The following DIS3L2 variants were observed in gnomAD, a reference collection of about 807,000 sequenced individuals.
The protein encoded by DIS3L2 is DIS3-like exonuclease 2.
A neutral mutation model predicts 97.5 loss-of-function variants in DIS3L2; 34 were observed. The ratio of observed to expected loss-of-function variants is 0.35; its 90% CI spans 0.27 to 0.46. DIS3L2 has a LOEUF of 0.46. DIS3L2 is among the 20% of genes least tolerant of loss of function. The pLI is 1.00. For missense variants in DIS3L2, 1,038 were observed against 1,146.0 expected, an observed-to-expected ratio of 0.91 and a Z score of 1.36; for synonymous variants, 435 against 445.2, an observed-to-expected ratio of 0.98 and a Z score of 0.29.
intron 9 of DIS3L2, among the ~76,000 whole-genome samples, chr2:232,186,335 G>A (rs982812086): frequency 6.6e-5 from 10 of 152,122 alleles, no homozygotes; most frequent in African/African-American, 2.4e-4. Context: ...CAAAGACTAC[G>A]AACTTTCATC....
intron 3 of DIS3L2, among the ~76,000 whole-genome samples, chr2:232,021,116 A>G (rs372447474): frequency 3.3e-5 from 5 of 152,178 alleles, no homozygotes; most frequent in African/African-American, 9.6e-5. Flanking sequence ...GTGTTTTTCT[A>G]TGGTACTGTT....
chr2:232,309,412 G>C (rs1205621684), intron 14 of DIS3L2, among the ~76,000 whole-genome samples: 2 of 152,212 alleles, frequency 1.3e-5, no homozygotes, highest in African/African-American at 4.8e-5. Flanking sequence ...AAGGCAGAGA[G>C]AGCCTTCAGA....
At chr2:232,149,301 T>A (rs376590726) in intron 8 of DIS3L2, among the ~76,000 whole-genome samples, 2 of 144,140 alleles carry the variant, frequency 1.4e-5, no homozygotes, top group Non-Finnish European at 3.0e-5. Context: ...CACCCACTAA[T>A]GTGTCATCTA....
chr2:232,272,371 A>G (rs996173008), intron 13 of DIS3L2, among the ~76,000 whole-genome samples: 2 of 152,242 alleles, frequency 1.3e-5, no homozygotes, highest in South Asian at 2.1e-4. Flanking sequence ...AAAAACACCA[A>G]TAAGATAAAA....
At chr2:232,056,829 A>G (rs1695561049) in intron 5 of DIS3L2, among the ~76,000 whole-genome samples, 1 of 152,212 alleles carries the variant, frequency 6.6e-6, no homozygotes, top group Non-Finnish European at 1.5e-5. Flanking sequence ...TGCTAGTGGG[A>G]ATGTCAGTGT....
rs73003124 is a variant in DIS3L2, at chr2:232,130,702, C to G, written c.685C>G (p.Leu229Val). Residue 229 changes from leucine to valine, a missense_variant, in exon 7 of 21, where the codon CTG (leucine) becomes GTG (valine). Physicochemically the swap from Leu to Val is conservative, Grantham distance 32. Coordinates refer to ENST00000325385, the MANE Select transcript of DIS3L2 (RefSeq NM_152383.5). ...CACAAGAGCTTTATCGGAGAAATCCCTGCAAAGATCAGCAAAGGTCATTGC... is the reference window on the plus strand; with the variant it reads ...CACAAGAGCTTTATCGGAGAAATCCGTGCAAAGATCAGCAAAGGTCATTGC... ...QDTRALSEKS[L>V]QRSAKVVYIL... The G allele has an allele frequency of 1.8e-4, 289 of 1,613,882 alleles. No homozygotes were observed. The highest frequency in any genetic ancestry group is 2.4e-4 in the Non-Finnish European group (283 of 1,179,902).
chr2:231,979,955 C>A (rs1389096667), intron 1 of DIS3L2, among the ~76,000 whole-genome samples: 2 of 152,124 alleles, frequency 1.3e-5, no homozygotes, highest in African/African-American at 4.8e-5. Flanking sequence ...GTGGTTCTCT[C>A]TCCTAGTGAT....
At chr2:231,996,116 A>G (rs1693724146) in intron 1 of DIS3L2, among the ~76,000 whole-genome samples, 1 of 152,256 alleles carries the variant, frequency 6.6e-6, no homozygotes, top group Admixed American at 6.5e-5. Context: ...TAAGATCAAG[A>G]CTGAAAATTG....
downstream of DIS3L2, among the ~76,000 whole-genome samples, chr2:232,340,312 C>T (rs548679457): frequency 2.0e-5 from 3 of 152,310 alleles, no homozygotes; most frequent in East Asian, 1.9e-4. Context: ...CCAGCCTGCA[C>T]CACGGGACCC....
In DIS3L2 at chr2:232,024,268, G is replaced by T; in HGVS notation, c.211-9G>T. On this transcript the variant is annotated splice_polypyrimidine_tract_variant and intron_variant, in intron 3 of 20. Transcript: ENST00000325385. Reference sequence around the variant, plus strand: ...TAGATTTTCACAAACTTTATTTTTTGTTTTAAAGGGTGTATTGAGAATTAA... The same window carrying T: ...TAGATTTTCACAAACTTTATTTTTTTTTTTAAAGGGTGTATTGAGAATTAA... The T allele has an allele frequency of 6.3e-7, 1 of 1,579,680 alleles. No homozygotes were observed.
rs1208272265 is a variant in DIS3L2 at position 232,281,014 on chromosome 2, CTG to C, written c.1659+17578_1659+17579del. ...TGGAATGTACAGGCCATTGGTGTGG[CTG>C]TGTCAGAGGAAGGGCTCCCAGTGGT... On this transcript the variant is annotated intron_variant, in intron 13 of 20. Transcript: ENST00000325385. The surrounding 1 kb of genome is among the most constrained non-coding windows in gnomAD (Gnocchi z 4.1). 1.3e-5 allele frequency among the ~76,000 whole-genome samples: 2 copies of C among 152,248 alleles called. No individual in the cohort carries two copies. The highest frequency in any genetic ancestry group is 3.9e-4 in the East Asian group (2 of 5,188).
At chr2:231,968,039 A>G (rs1024370902) in intron 1 of DIS3L2, among the ~76,000 whole-genome samples, 10 of 151,316 alleles carry the variant, frequency 6.6e-5, no homozygotes, top group Non-Finnish European at 1.5e-4. Flanking sequence ...GATCATATCT[A>G]TTATGCCCAA....
At chr2:232,221,880 A>T (rs563043374) in intron 10 of DIS3L2, among the ~76,000 whole-genome samples, 44 of 152,152 alleles carry the variant, frequency 2.9e-4, no homozygotes, top group African/African-American at 1.0e-3. Flanking sequence ...TGACATCTTC[A>T]TGATGCCCAG....
chr2:232,323,226 G>A (rs1363698014), intron 14 of DIS3L2, among the ~76,000 whole-genome samples: 5 of 152,222 alleles, frequency 3.3e-5, no homozygotes, highest in Admixed American at 6.5e-5. Flanking sequence ...GGGCAGGGCC[G>A]CTGCCAGCCT....
At chr2:232,333,756 G>GAAAT in intron 16 of DIS3L2, 84 bp from the exon 17 acceptor site, 17 of 1,487,178 alleles carry the variant, frequency 1.1e-5, no homozygotes, top group Admixed American at 6.8e-5. Context: ...CGCTGCCGAC[G>GAAAT]GTGAGGCTGT....
At chr2:232,047,261 C>T (rs1343717947) in intron 5 of DIS3L2, among the ~76,000 whole-genome samples, 1 of 152,198 alleles carries the variant, frequency 6.6e-6, no homozygotes. Context: ...GCCTATGCTA[C>T]TGCAAGATCA....
At position 232,333,233 on chromosome 2, in the gene DIS3L2, T is replaced by G. The variant is rs1384742520; in HGVS notation, c.2011-607T>G. ...CTCCTCCTCCTCCGCTGTCGCCTCC[T>G]CCTCCTCCTCCTCCTCCTCCTCCGC... is the stretch of plus-strand genomic sequence containing the variant. On this transcript the variant is annotated intron_variant, in intron 16 of 20. Coordinates refer to ENST00000325385, the MANE Select transcript of DIS3L2 (RefSeq NM_152383.5). Among the ~76,000 whole-genome samples the G allele has an allele frequency of 1.2e-4, 6 of 50,200 alleles. No individual in the cohort carries two copies. The Admixed American group carries it at 1.4e-3, about 12-fold the overall frequency. The allele number at this position is 50,200 out of a possible 152,430, so 32.9% of individuals were successfully genotyped here. A position where few individuals can be genotyped will look rare whatever the true frequency, so the allele number is the denominator to read the frequency against.
intron 13 of DIS3L2, among the ~76,000 whole-genome samples, chr2:232,267,669 G>A (rs557232423): frequency 1.3e-5 from 2 of 152,292 alleles, no homozygotes; most frequent in Non-Finnish European, 2.9e-5. Flanking sequence ...GGGAGAAGGG[G>A]AACTGTGGGA....
At chr2:232,031,941 G>A (rs569547717) in intron 5 of DIS3L2, among the ~76,000 whole-genome samples, 68 of 152,242 alleles carry the variant, frequency 4.5e-4, no homozygotes, top group African/African-American at 1.6e-3. Context: ...TTGCTATTAT[G>A]AATAGTGCTA....
Sources: gnomAD v4.1 joint callset for allele counts (sites outside exome capture counted in the v4.1 genomes callset) on GRCh38, gnomAD v4.1.1 for gene constraint, Gnocchi (gnomAD v3.1) non-coding constraint, MANE v1.5 for transcripts, NCBI Gene and HGNC (gene_info 2026-07-23, HGNC 2026-07-21) for gene names.